TCF4: variants seen among roughly 807,000 people sequenced by gnomAD.
TCF4 encodes the protein transcription factor 4.
A neutral mutation model predicts 82.1 loss-of-function variants in TCF4; 3 were observed. The observed-to-expected ratio is 0.04, with a 90% CI of 0.02 to 0.09. The LOEUF (loss-of-function observed/expected upper bound fraction) is 0.09. Among genes scored for constraint, TCF4 ranks in the 10% least tolerant of loss-of-function variants. TCF4 has a pLI of 1.00. For missense variants in TCF4, 518 were observed against 852.7 expected, an observed-to-expected ratio of 0.61 and a Z score of 4.89; for synonymous variants, 276 against 309.6, an observed-to-expected ratio of 0.89 and a Z score of 1.14.
chr18:55,313,939 C>T (rs890304300), intron 8 of TCF4, among the ~76,000 whole-genome samples: 1 of 152,046 alleles, frequency 6.6e-6, no homozygotes, highest in African/African-American at 2.4e-5. Flanking sequence ...TGACATTTCC[C>T]TCCCCCCCTT....
intron 5 of TCF4, among the ~76,000 whole-genome samples, chr18:55,435,053 T>C (rs1437702207): frequency 2.6e-5 from 4 of 152,150 alleles, no homozygotes; most frequent in Non-Finnish European, 5.9e-5. Context: ...TCTTTTTTGG[T>C]AGCCATTAAG....
intron 5 of TCF4, among the ~76,000 whole-genome samples, chr18:55,421,346 G>T (rs1009817302): frequency 4.6e-5 from 7 of 152,042 alleles, no homozygotes; most frequent in Admixed American, 1.3e-4. Context: ...TCACATACAA[G>T]GGAAAAAAGA....
Position 55,269,645 on chromosome 18 carries a change from C to T in TCF4, c.922+186G>A, listed in dbSNP as rs144781639. The T allele has an allele frequency of 3.5e-4, 276 of 792,594 alleles. 2 individuals are homozygous for T. Among genetic ancestry groups the T allele is most frequent in the South Asian group, 3.4e-3 (198 of 58,078 alleles). The allele number at this position is 792,594 out of a possible 1,614,324, so 49.1% of individuals were successfully genotyped here. A position where few individuals can be genotyped will look rare whatever the true frequency, so the allele number is the denominator to read the frequency against. ...GTAGCTAAATTTCAGTGTCTTGTGA[C>T]GAAAAATATGGTTATGCTCAAGCCA... On this transcript the variant is annotated intron_variant, in intron 11 of 19. Coordinates refer to ENST00000354452, the MANE Select transcript of TCF4 (RefSeq NM_001083962.2).
At chr18:55,361,007 G>T (rs2085026277) in intron 6 of TCF4, among the ~76,000 whole-genome samples, 2 of 152,084 alleles carry the variant, frequency 1.3e-5, no homozygotes, top group African/African-American at 4.8e-5. Flanking sequence ...TTACAGGCCT[G>T]AGCCACCACA....
intron 8 of TCF4, among the ~76,000 whole-genome samples, chr18:55,328,658 G>A (rs528311540): frequency 7.9e-5 from 12 of 152,266 alleles, no homozygotes; most frequent in Non-Finnish European, 1.8e-4. Flanking sequence ...TTCCCAAAAA[G>A]TTAGAGGGGA....
chr18:55,375,073 C>A, intron 6 of TCF4, among the ~76,000 whole-genome samples: 1 of 151,686 alleles, frequency 6.6e-6, no homozygotes, highest in East Asian at 1.9e-4. Context: ...AAGGTAGAAC[C>A]TTGAAACAAA....
intron 8 of TCF4, among the ~76,000 whole-genome samples, chr18:55,296,121 T>A (rs182211678): frequency 0.014 from 2,121 of 150,998 alleles, 52 homozygotes; most frequent in African/African-American, 0.047. Flanking sequence ...TTTTTTTTTT[T>A]AAACAACCAA....
At chr18:55,413,574 G>T (rs2146751913) in intron 5 of TCF4, among the ~76,000 whole-genome samples, 1 of 152,282 alleles carries the variant, frequency 6.6e-6, no homozygotes, top group East Asian at 1.9e-4. Flanking sequence ...CAAGGAAGGG[G>T]AAGGTTGGTA....
At chr18:55,398,870 A>G (rs1463658327) in intron 6 of TCF4, among the ~76,000 whole-genome samples, 1 of 152,178 alleles carries the variant, frequency 6.6e-6, no homozygotes, top group Non-Finnish European at 1.5e-5. Context: ...AAACACATAA[A>G]AATGATGGCA....
chr18:55,601,107 G>A (rs1290247981), intron 2 of TCF4, among the ~76,000 whole-genome samples: 1 of 152,112 alleles, frequency 6.6e-6, no homozygotes, highest in African/African-American at 2.4e-5. Flanking sequence ...ACAGTAGACA[G>A]GTTCTAACCA....
chr18:55,572,239 CAA>C (rs1603623866), intron 3 of TCF4, among the ~76,000 whole-genome samples: 1 of 152,262 alleles, frequency 6.6e-6, no homozygotes, highest in East Asian at 1.9e-4. Flanking sequence ...AGTATTACCC[CAA>C]GTCTCTAACT....
intron 5 of TCF4, among the ~76,000 whole-genome samples, chr18:55,409,534 T>C (rs1177107579): frequency 6.6e-6 from 1 of 152,144 alleles, no homozygotes; most frequent in Non-Finnish European, 1.5e-5. Context: ...CAATGTTTCC[T>C]AAACTGACTT....
rs2144674263 is a variant in TCF4, at chr18:55,234,533, G to A, written c.1486+15C>T. The A allele has an allele frequency of 5.0e-6, 8 of 1,614,184 alleles. No individual in the cohort carries two copies. Among genetic ancestry groups the A allele is most frequent in the Non-Finnish European group, 5.9e-6 (7 of 1,180,026 alleles). Reference sequence around the variant, plus strand: ...TGAAAGTGAGGTCAGAAGTGCCCTGGTGAGGCCAACCTACCTCTGTAAGGG... The same window carrying A: ...TGAAAGTGAGGTCAGAAGTGCCCTGATGAGGCCAACCTACCTCTGTAAGGG... On this transcript the variant is annotated intron_variant, in intron 16 of 19. Transcript: ENST00000354452.
At chr18:55,326,243 G>A (rs1330366339) in intron 8 of TCF4, among the ~76,000 whole-genome samples, 11 of 152,038 alleles carry the variant, frequency 7.2e-5, no homozygotes, top group Admixed American at 7.2e-4. Context: ...ACAGGTTTGA[G>A]TGTTAGTTCC....
chr18:55,566,823 G>A (rs2097412535), intron 3 of TCF4, among the ~76,000 whole-genome samples: 1 of 152,124 alleles, frequency 6.6e-6, no homozygotes, highest in African/African-American at 2.4e-5. Flanking sequence ...GAATATTTAA[G>A]GAAATAAAAG....
At chr18:55,445,448 C>A (rs1204344254) in intron 5 of TCF4, among the ~76,000 whole-genome samples, 2 of 152,154 alleles carry the variant, frequency 1.3e-5, no homozygotes, top group Non-Finnish European at 1.5e-5. Flanking sequence ...GAAGCAAAAG[C>A]ACGTCCTACA....
chr18:55,323,721 A>G (rs1421378322), intron 8 of TCF4, among the ~76,000 whole-genome samples: 3 of 152,228 alleles, frequency 2.0e-5, no homozygotes, highest in African/African-American at 7.2e-5. Context: ...CCCACCTACC[A>G]GAGGACAGTA....
chr18:55,255,464 C>T (rs1388066137), intron 14 of TCF4, among the ~76,000 whole-genome samples: 1 of 152,104 alleles, frequency 6.6e-6, no homozygotes, highest in Admixed American at 6.6e-5. Flanking sequence ...TAAAAACCAA[C>T]CAACCTTTGT....
chr18:55,365,511 A>C (rs558741871), intron 6 of TCF4, among the ~76,000 whole-genome samples: 14 of 152,076 alleles, frequency 9.2e-5, no homozygotes, highest in African/African-American at 3.4e-4. Flanking sequence ...GCCAAAAGTC[A>C]GCTCCCTAAT....
Sources: allele counts gnomAD v4.1 joint callset (sites outside exome capture counted in the v4.1 genomes callset), GRCh38; gene constraint gnomAD v4.1.1; transcripts MANE v1.5; gene names NCBI Gene and HGNC (gene_info 2026-07-23, HGNC 2026-07-21).